FBRSL1: variants seen among roughly 807,000 people sequenced by gnomAD.
The protein encoded by FBRSL1 is fibrosin-1-like protein.
Under a neutral mutation model 89.6 loss-of-function variants are expected in FBRSL1, and 51 were observed. The observed-to-expected ratio is 0.57, with a 90% CI of 0.45 to 0.72. The LOEUF (loss-of-function observed/expected upper bound fraction) is 0.72, where lower values mean the gene tolerates loss of function less well. FBRSL1 is among the 30% of genes least tolerant of loss of function. The probability of loss-of-function intolerance (pLI) is 0.00; values close to 1 mark genes in which losing one functional copy is unlikely to be tolerated. For synonymous variants in FBRSL1, 779 were observed against 681.1 expected (o/e 1.14, Z -2.24); for missense variants, 1,618 against 1,451.8 (o/e 1.11, Z -1.86).
chr12:132,490,372 C>T lies in FBRSL1; in HGVS notation c.-199C>T, dbSNP rs1256763241. ...GCCCAGCCGCCCGCGCCGGGGGTCC[C>T]AGGCCGCGCCGGGCCCGGGGCTGAG... On this transcript the variant is annotated 5_prime_UTR_variant, in exon 1 of 19. Coordinates refer to ENST00000680143, the MANE Select transcript of FBRSL1 (RefSeq NM_001367871.1). 2 of 182,730 alleles carry T rather than the reference C, an allele frequency of 1.1e-5. No individual in the cohort carries two copies. The highest frequency in any genetic ancestry group is 2.0e-5 in the Non-Finnish European group (2 of 101,792). The allele number at this position is 182,730 out of a possible 1,614,324, so 11.3% of individuals were successfully genotyped here. A position where few individuals can be genotyped will look rare whatever the true frequency, so the allele number is the denominator to read the frequency against.
At chr12:132,535,907 G>C (rs1038609139) in intron 4 of FBRSL1, among the ~76,000 whole-genome samples, 1 of 149,912 alleles carries the variant, frequency 6.7e-6, no homozygotes, top group Admixed American at 6.6e-5. Context: ...GTGAGTGCAC[G>C]TGTGTCCATG....
At chr12:132,581,957 C>T (rs2040785627) in intron 17 of FBRSL1, 105 bp from the exon 18 acceptor site, 4 of 1,295,470 alleles carry the variant, frequency 3.1e-6, no homozygotes, top group Non-Finnish European at 4.2e-6. Flanking sequence ...GCACCCCCTT[C>T]TCAGTGTCAG....
At chr12:132,532,291 G>A (rs1187194139) in intron 4 of FBRSL1, among the ~76,000 whole-genome samples, 1 of 152,148 alleles carries the variant, frequency 6.6e-6, no homozygotes, top group Non-Finnish European at 1.5e-5. Context: ...CAGGATCACA[G>A]GCCCAGAGAG....
intron 15 of FBRSL1, 175 bp from the exon 16 acceptor site, chr12:132,581,264 T>TG (rs2040728229): frequency 4.2e-5 from 41 of 985,090 alleles, no homozygotes; most frequent in Non-Finnish European, 4.9e-5. Context: ...CTCCGAATTG[T>TG]GGGGTAGATT....
chr12:132,524,697 G>A (rs1315548570), intron 2 of FBRSL1, among the ~76,000 whole-genome samples: 1 of 152,230 alleles, frequency 6.6e-6, no homozygotes, highest in East Asian at 1.9e-4. Context: ...AATTGTTCCA[G>A]ATCCAAGTTG....
At chr12:132,523,332 A>G (rs1342569160) in intron 2 of FBRSL1, among the ~76,000 whole-genome samples, 1 of 151,988 alleles carries the variant, frequency 6.6e-6, no homozygotes, top group Non-Finnish European at 1.5e-5. Context: ...GGACTTTCAG[A>G]GCTAAAACCG....
At chr12:132,559,923 G>GCGCCCCGCCCC (rs953457708) in intron 5 of FBRSL1, 2 of 148,928 alleles carry the variant, frequency 1.3e-5, no homozygotes, top group Admixed American at 6.7e-5. Context: ...GGGTCTGCCC[G>GCGCCCCGCCCC]CGCCCCGCCC....
At position 132,583,637 on chromosome 12, in the gene FBRSL1, GC is replaced by G. The variant is rs1207520184; in HGVS notation, c.2875del (p.Leu959TrpfsTer2). On this transcript the variant is annotated frameshift_variant, in exon 19 of 19. Transcript: ENST00000680143. LOFTEE classifies it high-confidence loss of function. The part of the protein sequence containing the change: ...PPAAAALGAP[P>X]PLVTAAGPPT... ...CCGCCGCCGCCGCCCTCGGCGCACC[GC>G]CCCCCCTGGTGACGGCGGCCGGGCC... 10 of 1,003,870 alleles carry G rather than the reference GC, an allele frequency of 1.0e-5. No homozygotes were observed. The highest frequency in any genetic ancestry group is 9.0e-5 in the South Asian group (2 of 22,218). The allele number at this position is 1,003,870 out of a possible 1,614,324, so 62.2% of individuals were successfully genotyped here. A position where few individuals can be genotyped will look rare whatever the true frequency, so the allele number is the denominator to read the frequency against.
chr12:132,578,436 G>A lies in FBRSL1; in HGVS notation c.1834+1505G>A, dbSNP rs148678714. ...AATCATCCTAAAGGTCTTCATCCTCGTCCTCACACGGAGTGGGCTGAGGAG... is the reference window on the plus strand; with the variant it reads ...AATCATCCTAAAGGTCTTCATCCTCATCCTCACACGGAGTGGGCTGAGGAG... On this transcript the variant is annotated intron_variant, in intron 15 of 18. Transcript: ENST00000680143. Among the ~76,000 whole-genome samples, 16 of 151,912 alleles carry A rather than the reference G, an allele frequency of 1.1e-4. No individual in the cohort carries two copies. In the East Asian group the frequency reaches 1.2e-3, roughly 11 times the overall value.
chr12:132,581,058 C>G, intron 15 of FBRSL1: 1 of 985,474 alleles, frequency 1.0e-6, no homozygotes. Flanking sequence ...AAGTGAGGAC[C>G]ATCTATCAGC....
chr12:132,583,284 G>GGCCTGGGCCGCGAGC lies in FBRSL1; in HGVS notation c.2524_2538dup (p.Arg842_Gly846dup). On this transcript the variant is annotated inframe_insertion, in exon 19 of 19. Transcript: ENST00000680143. ...CCTGCACCCCGCGCCCCTGCAGCTC[G>GGCCTGGGCCGCGAGC]GCCTGGGCCGCGAGCGCCTGGGCGC... The GGCCTGGGCCGCGAGC allele has an allele frequency of 8.0e-7, 1 of 1,248,170 alleles. No homozygotes were observed. The highest frequency in any genetic ancestry group is 1.0e-6 in the Non-Finnish European group (1 of 994,234). The allele number at this position is 1,248,170 out of a possible 1,614,324, so 77.3% of individuals were successfully genotyped here. A position where few individuals can be genotyped will look rare whatever the true frequency, so the allele number is the denominator to read the frequency against.
chr12:132,582,053 T>C lies in FBRSL1; in HGVS notation c.1997-9T>C, dbSNP rs1428927176. The C allele has an allele frequency of 6.5e-6, 10 of 1,542,950 alleles. No homozygotes were observed. In the East Asian group the frequency reaches 2.5e-4, roughly 38 times the overall value. ...ACCCAACCTCATGCTCCCCGGCCTC[T>C]GCCCCCAGCTCCCGGTGGCAGCATC... On this transcript the variant is annotated splice_polypyrimidine_tract_variant and intron_variant, in intron 17 of 18. Coordinates refer to ENST00000680143, the MANE Select transcript of FBRSL1 (RefSeq NM_001367871.1).
intron 4 of FBRSL1, among the ~76,000 whole-genome samples, chr12:132,547,005 T>C (rs2037743340): frequency 6.6e-6 from 1 of 152,192 alleles, no homozygotes; most frequent in South Asian, 2.1e-4. Context: ...CTCCGTGCAC[T>C]GGGGGGTTTA....
At chr12:132,511,439 C>G (rs2034327243) in intron 2 of FBRSL1, 1 of 985,968 alleles carries the variant, frequency 1.0e-6, no homozygotes, top group Admixed American at 6.1e-5. Flanking sequence ...GTTGCCACCC[C>G]CTCAGGACCT....
rs1270842149 is a variant in FBRSL1, at chr12:132,576,710, A to G, written c.1702-89A>G. The G allele has an allele frequency of 9.0e-6, 13 of 1,444,244 alleles. No individual in the cohort carries two copies. The East Asian group carries it at 3.3e-4, about 36-fold the overall frequency. 89.5% of individuals were successfully genotyped at this position (1,444,244 alleles called of 1,614,324 possible). A position where few individuals can be genotyped will look rare whatever the true frequency, so the allele number is the denominator to read the frequency against. On this transcript the variant is annotated intron_variant, in intron 14 of 18. Coordinates refer to ENST00000680143, the MANE Select transcript of FBRSL1 (RefSeq NM_001367871.1). ...TGCTCCCCTTACTGGACTGGCTCAC[A>G]CCCAGTCCCTGTGGCCCCTCAGGCC... is the stretch of plus-strand genomic sequence containing the variant.
At chr12:132,563,677 G>A (rs1412448372) in intron 5 of FBRSL1, among the ~76,000 whole-genome samples, 1 of 152,048 alleles carries the variant, frequency 6.6e-6, no homozygotes, top group Admixed American at 6.5e-5. Flanking sequence ...TTAAGTGTGT[G>A]GTTTGCTTTT....
In FBRSL1 at chr12:132,570,985, G is replaced by A. The variant is rs367782664; in HGVS notation, c.1214-83G>A. The A allele has an allele frequency of 1.1e-5, 10 of 912,752 alleles. No individual in the cohort carries two copies. The South Asian group carries it at 1.5e-4, about 14-fold the overall frequency. 56.5% of individuals were successfully genotyped at this position (912,752 alleles called of 1,614,324 possible). On this transcript the variant is annotated intron_variant, in intron 8 of 18. Coordinates refer to ENST00000680143, the MANE Select transcript of FBRSL1 (RefSeq NM_001367871.1). ...CAGGCTGGGGACGGCCCCGTGTCCC[G>A]GGATGGGACCAGGATGCTGGCCTGC... is the stretch of plus-strand genomic sequence containing the variant.
At chr12:132,510,523 C>G in intron 2 of FBRSL1, 1 of 1,231,768 alleles carries the variant, frequency 8.1e-7, no homozygotes, top group Non-Finnish European at 1.0e-6. Flanking sequence ...CCCCAAGGGC[C>G]AAGGCCGCAT....
chr12:132,491,151 C>T lies in FBRSL1; in HGVS notation c.291+290C>T, dbSNP rs571009625. Among the ~76,000 whole-genome samples the T allele has an allele frequency of 3.9e-5, 6 of 152,352 alleles. 1 individual carries two copies. In the South Asian group the frequency reaches 1.0e-3, roughly 26 times the overall value. On this transcript the variant is annotated intron_variant, in intron 1 of 18. Coordinates refer to ENST00000680143, the MANE Select transcript of FBRSL1 (RefSeq NM_001367871.1). Reference sequence around the variant, plus strand: ...GGGGGCTGTCTGACAGCACCGTCGGCCTTTTATCAGTTGTGTTTCTGTGGC... The same window carrying T: ...GGGGGCTGTCTGACAGCACCGTCGGTCTTTTATCAGTTGTGTTTCTGTGGC...
Sources: gnomAD v4.1 joint callset for allele counts (sites outside exome capture counted in the v4.1 genomes callset) on GRCh38, gnomAD v4.1.1 for gene constraint, MANE v1.5 for transcripts, NCBI Gene and HGNC (gene_info 2026-07-23, HGNC 2026-07-21) for gene names.